The following FRYL variants were observed in gnomAD, a reference collection of about 807,000 sequenced individuals.
The protein encoded by FRYL is protein furry homolog-like.
In FRYL, 150 loss-of-function variants were observed where a neutral mutation model predicts 351.2. The ratio of observed to expected loss-of-function variants is 0.43; its 90% CI spans 0.37 to 0.49. FRYL has a LOEUF of 0.49. FRYL is among the 20% of genes least tolerant of loss of function. FRYL has a pLI of 0.00. For missense variants in FRYL, 3,036 were observed against 3,619.3 expected (o/e 0.84, Z 4.13); for synonymous variants, 1,153 against 1,257.1 (o/e 0.92, Z 1.75).
At chr4:48,512,974 A>G (rs1246691617) in intron 56 of FRYL, among the ~76,000 whole-genome samples, 2 of 152,188 alleles carry the variant, frequency 1.3e-5, no homozygotes, top group Non-Finnish European at 2.9e-5. Context: ...AGTAACTTCT[A>G]TGAATAATAC....
chr4:48,772,016 G>A (rs537140906), intron 1 of FRYL, among the ~76,000 whole-genome samples: 1 of 152,282 alleles, frequency 6.6e-6, no homozygotes, highest in East Asian at 1.9e-4. Context: ...TGCTGGCTGA[G>A]GACACTAATT....
At position 48,548,878 on chromosome 4, in the gene FRYL, T is replaced by C. The variant is rs76767750; in HGVS notation, c.4785-85A>G. On this transcript the variant is annotated intron_variant, in intron 39 of 63. Transcript: ENST00000358350. ...TTGGTACAAAATTACTTGAAGACTT[T>C]AATATCACATTTCATGGAAAAATAC... is the stretch of plus-strand genomic sequence containing the variant. 9.3e-4 allele frequency: 665 copies of C among 712,232 alleles called. 5 individuals are homozygous for C. The East Asian group carries it at 0.016, about 17-fold the overall frequency. 44.1% of individuals were successfully genotyped at this position (712,232 alleles called of 1,614,324 possible). A position where few individuals can be genotyped will look rare whatever the true frequency, so the allele number is the denominator to read the frequency against.
At chr4:48,688,658 A>ATTT (rs11355390) in intron 2 of FRYL, among the ~76,000 whole-genome samples, 4 of 86,442 alleles carry the variant, frequency 4.6e-5, no homozygotes, top group African/African-American at 8.7e-5. Flanking sequence ...CTCTTAGTCA[A>ATTT]TTTTTTTTTT....
intron 56 of FRYL, 27 bp from the exon 57 acceptor site, chr4:48,512,715 A>T: frequency 6.6e-7 from 1 of 1,523,264 alleles, no homozygotes; most frequent in Non-Finnish European, 9.1e-7. Flanking sequence ...CATAAATATC[A>T]TAACACTATC....
chr4:48,778,855 G>C (rs1776307015), intron 1 of FRYL, among the ~76,000 whole-genome samples: 3 of 151,454 alleles, frequency 2.0e-5, no homozygotes, highest in Admixed American at 1.3e-4. Context: ...ACAGACCCTG[G>C]CAACCTGTCT....
Position 48,581,454 on chromosome 4 carries a change from A to C in FRYL, c.2138T>G (p.Ile713Arg). 5 of 1,611,032 alleles carry C rather than the reference A, an allele frequency of 3.1e-6. No individual in the cohort carries two copies. The highest frequency in any genetic ancestry group is 4.2e-6 in the Non-Finnish European group (5 of 1,179,246). The change falls in exon 21 of 64, where the codon ATA becomes AGA. Residue 713 changes from isoleucine to arginine, a missense_variant. Physicochemically the swap from Ile to Arg is moderately conservative, Grantham distance 97 (BLOSUM62 -3). Transcript: ENST00000358350. ...RRLAVSVLRE[I>R]RALFALLEIP... ...TTCCAGAAGTGCAAATAAAGCCCGTATTTCTCTAAGGACACTGACGGCTAG... is the reference window on the plus strand; with the variant it reads ...TTCCAGAAGTGCAAATAAAGCCCGTCTTTCTCTAAGGACACTGACGGCTAG...
chr4:48,681,744 CATGA>C (rs1220413931), intron 3 of FRYL, among the ~76,000 whole-genome samples: 1 of 152,028 alleles, frequency 6.6e-6, no homozygotes, highest in Non-Finnish European at 1.5e-5. Flanking sequence ...AAAACTTCAG[CATGA>C]ATAACCAAAA....
chr4:48,567,504 T>C lies in FRYL; in HGVS notation c.2997-84A>G, dbSNP rs1454418223. On this transcript the variant is annotated intron_variant, in intron 27 of 63. Coordinates refer to ENST00000358350, the MANE Select transcript of FRYL (RefSeq NM_015030.2). The surrounding 1 kb of genome is among the most constrained non-coding windows in gnomAD (Gnocchi z 4.2). ...AAATTCTTAATACTCAAAATCAGAA[T>C]AATACATGTTAATTTTGCATGCTCA... 27 of 953,290 alleles carry C rather than the reference T, an allele frequency of 2.8e-5. No individual in the cohort carries two copies. Among genetic ancestry groups the C allele is most frequent in the Non-Finnish European group, 4.1e-5 (27 of 662,924 alleles). The allele number at this position is 953,290 out of a possible 1,614,324, so 59.1% of individuals were successfully genotyped here.
chr4:48,654,543 C>T (rs1758420945), intron 3 of FRYL, among the ~76,000 whole-genome samples: 1 of 152,120 alleles, frequency 6.6e-6, no homozygotes, highest in African/African-American at 2.4e-5. Context: ...TGGCTGAGCC[C>T]CCATCAGCCT....
At chr4:48,508,663 C>T (rs1721820547) in intron 59 of FRYL, among the ~76,000 whole-genome samples, 1 of 152,132 alleles carries the variant, frequency 6.6e-6, no homozygotes, top group South Asian at 2.1e-4. Flanking sequence ...GGGGAAGCGG[C>T]AGGGTTGAAG....
At chr4:48,696,581 G>T (rs879281782) in intron 2 of FRYL, among the ~76,000 whole-genome samples, 3 of 151,956 alleles carry the variant, frequency 2.0e-5, no homozygotes, top group Admixed American at 1.3e-4. Flanking sequence ...AATGCATGTG[G>T]GGCTTAAAAC....
intron 1 of FRYL, among the ~76,000 whole-genome samples, chr4:48,772,679 C>CAAAAAAAAAAAAAAAAAAAAAAATAA (rs1775636713): frequency 2.0e-5 from 1 of 50,266 alleles, no homozygotes; most frequent in Non-Finnish European, 3.8e-5. Context: ...AGAGACCTAC[C>CAAAAAAAAAAAAAAAAAAAAAAATAA]AAAAAAAAAA....
chr4:48,578,044 T>C (rs1272769158), intron 23 of FRYL, among the ~76,000 whole-genome samples: 1 of 151,546 alleles, frequency 6.6e-6, no homozygotes, highest in Non-Finnish European at 1.5e-5. Context: ...TTTAAGAGAT[T>C]TTAAAAAATA....
chr4:48,586,204 G>GA (rs77562605), intron 19 of FRYL, among the ~76,000 whole-genome samples: 1 of 152,182 alleles, frequency 6.6e-6, no homozygotes, highest in African/African-American at 2.4e-5. Context: ...GCCATAGGGG[G>GA]AAAAAAAAGC....
At chr4:48,593,876 T>G in intron 16 of FRYL, 54 bp downstream of exon 16, 2 of 765,318 alleles carry the variant, frequency 2.6e-6, no homozygotes, top group Non-Finnish European at 3.9e-6. Flanking sequence ...CCAGAAATCA[T>G]GCTCTTAAAA....
intron 2 of FRYL, among the ~76,000 whole-genome samples, chr4:48,700,693 T>C (rs1220360384): frequency 3.9e-5 from 6 of 151,962 alleles, no homozygotes; most frequent in African/African-American, 1.4e-4. Flanking sequence ...TCCCAGCTAC[T>C]TGGGAGGCTG....
rs781589750 is a variant in FRYL at position 48,531,360 on chromosome 4, TA to T, written c.6706-8del. The T allele has an allele frequency of 1.0e-5, 16 of 1,598,554 alleles. No homozygotes were observed. Among genetic ancestry groups the T allele is most frequent in the African/African-American group, 1.3e-5 (1 of 74,576 alleles). On this transcript the variant is annotated splice_polypyrimidine_tract_variant and splice_region_variant and intron_variant, in intron 49 of 63. Transcript: ENST00000358350. Reference sequence around the variant, plus strand: ...CTTCCTTCCAGTAAGGACTCTGGTTTAAAAAATAATTGACACGTAAAAGTTA... The same window carrying T: ...CTTCCTTCCAGTAAGGACTCTGGTTTAAAAATAATTGACACGTAAAAGTTA...
intron 3 of FRYL, among the ~76,000 whole-genome samples, chr4:48,665,685 T>G (rs1372985648): frequency 1.3e-5 from 2 of 152,162 alleles, no homozygotes; most frequent in African/African-American, 4.8e-5. Context: ...TAAAATTCTA[T>G]GAATCACCCA....
At chr4:48,592,301 G>A (rs1337812085) in intron 16 of FRYL, among the ~76,000 whole-genome samples, 1 of 151,722 alleles carries the variant, frequency 6.6e-6, no homozygotes, top group Non-Finnish European at 1.5e-5. Flanking sequence ...ATTGCAATTT[G>A]CATGTATTTG....
Sources: gnomAD v4.1 joint callset for allele counts (sites outside exome capture counted in the v4.1 genomes callset) on GRCh38, gnomAD v4.1.1 for gene constraint, Gnocchi (gnomAD v3.1) non-coding constraint, MANE v1.5 for transcripts, NCBI Gene and HGNC (gene_info 2026-07-23, HGNC 2026-07-21) for gene names.